The following CCDC102B variants were observed in gnomAD, a reference collection of about 807,000 sequenced individuals.
CCDC102B encodes the protein coiled-coil domain-containing protein 102B.
A neutral mutation model predicts 57.4 loss-of-function variants in CCDC102B; 75 were observed. The observed-to-expected ratio is 1.31, with a 90% CI of 1.08 to 1.58. The LOEUF (loss-of-function observed/expected upper bound fraction) is 1.58, where lower values mean the gene tolerates loss of function less well. Ranked by LOEUF, CCDC102B falls within the 40% of genes most tolerant of loss-of-function variation. The pLI, the probability that CCDC102B is intolerant of heterozygous loss-of-function variation, is 0.00. For missense variants in CCDC102B, 636 were observed against 582.6 expected, an observed-to-expected ratio of 1.09 and a Z score of -0.94; for synonymous variants, 206 against 201.9, an observed-to-expected ratio of 1.02 and a Z score of -0.17.
chr18:68,839,457 C>T (rs1452283049), intron 3 of CCDC102B, among the ~76,000 whole-genome samples: 5 of 152,194 alleles, frequency 3.3e-5, no homozygotes, highest in African/African-American at 7.2e-5. Flanking sequence ...GTGAAAATAG[C>T]TGTAGTGCTG....
intron 2 of CCDC102B, among the ~76,000 whole-genome samples, chr18:68,725,020 G>A (rs753247302): frequency 2.6e-5 from 4 of 152,160 alleles, no homozygotes; most frequent in African/African-American, 7.2e-5. Flanking sequence ...TACAATCATG[G>A]CGGAAGGCAC....
intron 6 of CCDC102B, among the ~76,000 whole-genome samples, chr18:68,991,781 A>G (rs2050874835): frequency 6.6e-6 from 1 of 152,224 alleles, no homozygotes; most frequent in Admixed American, 6.5e-5. Flanking sequence ...ATGAAAATGT[A>G]TTTCCTACTG....
chr18:69,048,720 A>T (rs1055316760), intron 7 of CCDC102B, among the ~76,000 whole-genome samples: 1 of 151,518 alleles, frequency 6.6e-6, no homozygotes, highest in Non-Finnish European at 1.5e-5. Flanking sequence ...CTTAAAAAAA[A>T]CTCCCCTCCC....
intron 3 of CCDC102B, among the ~76,000 whole-genome samples, chr18:68,845,645 A>T (rs190002466): frequency 3.5e-4 from 53 of 151,968 alleles, no homozygotes; most frequent in Non-Finnish European, 6.6e-4. Flanking sequence ...TAAAACAATT[A>T]TCAATGACTC....
At chr18:68,819,833 A>T (rs7238968) in intron 1 of CCDC102B, among the ~76,000 whole-genome samples, 70,800 of 151,802 alleles carry the variant, frequency 0.47, 17,504 homozygotes, top group East Asian at 0.9. Flanking sequence ...TATAATGCTA[A>T]AATAGAATTG....
chr18:69,055,415 C>T (rs966159329), downstream of CCDC102B, among the ~76,000 whole-genome samples: 5 of 152,074 alleles, frequency 3.3e-5, no homozygotes, highest in African/African-American at 9.7e-5. Context: ...ACTTCCTTCT[C>T]TTTGCTTAAC....
At chr18:68,781,417 A>G (rs2035005175) in intron 2 of CCDC102B, among the ~76,000 whole-genome samples, 2 of 152,090 alleles carry the variant, frequency 1.3e-5, no homozygotes, top group Admixed American at 6.6e-5. Flanking sequence ...TAGATTAGTT[A>G]TTTTCCAAAG....
At chr18:68,805,794 A>T (rs938097830) in intron 1 of CCDC102B, among the ~76,000 whole-genome samples, 1 of 152,154 alleles carries the variant, frequency 6.6e-6, no homozygotes, top group African/African-American at 2.4e-5. Context: ...CTATATATGA[A>T]ATACTTTGGA....
chr18:69,046,680 C>G (rs1415203506), intron 7 of CCDC102B, among the ~76,000 whole-genome samples: 1 of 152,098 alleles, frequency 6.6e-6, no homozygotes, highest in Non-Finnish European at 1.5e-5. Context: ...GTCCTATGTA[C>G]AGAATGGTAT....
intron 6 of CCDC102B, among the ~76,000 whole-genome samples, chr18:68,920,569 A>G (rs773076652): frequency 1.3e-5 from 2 of 152,150 alleles, no homozygotes; most frequent in Middle Eastern, 3.4e-3. Flanking sequence ...GAGAGGTGAA[A>G]GGCACTTCTC....
chr18:68,789,879 G>A (rs558539450), intron 2 of CCDC102B, among the ~76,000 whole-genome samples: 40 of 152,094 alleles, frequency 2.6e-4, no homozygotes, highest in African/African-American at 9.2e-4. Context: ...GTGAGGAACT[G>A]CGTTCCTTTG....
intron 1 of CCDC102B, among the ~76,000 whole-genome samples, chr18:68,821,914 C>T (rs867278892): frequency 2.4e-4 from 37 of 152,130 alleles, no homozygotes; most frequent in Middle Eastern, 3.4e-3. Flanking sequence ...CCAAGAGTTT[C>T]AATGTCAAAA....
chr18:68,798,464 G>A (rs1471799512), intron 1 of CCDC102B: 2 of 151,930 alleles, frequency 1.3e-5, no homozygotes, highest in South Asian at 2.1e-4. Flanking sequence ...TAAGAATTTC[G>A]ACTCTACATT....
At chr18:68,730,144 A>G (rs1028482168) in intron 2 of CCDC102B, among the ~76,000 whole-genome samples, 1 of 152,186 alleles carries the variant, frequency 6.6e-6, no homozygotes, top group Non-Finnish European at 1.5e-5. Flanking sequence ...CTTAAGTTTA[A>G]CTTAGTTGTT....
At chr18:68,857,802 TTTATTGAA>T (rs1009477122) in intron 4 of CCDC102B, among the ~76,000 whole-genome samples, 5 of 152,162 alleles carry the variant, frequency 3.3e-5, no homozygotes, top group African/African-American at 1.2e-4. Flanking sequence ...GATTCCACAA[TTTATTGAA>T]TTATTTTCCT....
chr18:68,982,399 A>G (rs1282651677), intron 6 of CCDC102B, among the ~76,000 whole-genome samples: 5 of 151,932 alleles, frequency 3.3e-5, no homozygotes, highest in African/African-American at 9.7e-5. Flanking sequence ...TTCTATGTCC[A>G]TGAATTTAAT....
At chr18:68,890,714 G>T (rs771106997) in intron 5 of CCDC102B, among the ~76,000 whole-genome samples, 1 of 152,004 alleles carries the variant, frequency 6.6e-6, no homozygotes, top group Non-Finnish European at 1.5e-5. Context: ...ATATTCTATT[G>T]TGTCGGCCTT....
intron 6 of CCDC102B, among the ~76,000 whole-genome samples, chr18:68,953,006 T>G (rs532678206): frequency 3.3e-5 from 5 of 152,244 alleles, no homozygotes; most frequent in Non-Finnish European, 5.9e-5. Flanking sequence ...ATGAAAAAGA[T>G]TATGATATAG....
chr18:68,770,376 T>G (rs1169483524), intron 2 of CCDC102B, among the ~76,000 whole-genome samples: 1 of 152,256 alleles, frequency 6.6e-6, no homozygotes, highest in Non-Finnish European at 1.5e-5. Flanking sequence ...TTATTTCTTA[T>G]GTATCCATGT....
Sources: allele counts gnomAD v4.1 joint callset (sites outside exome capture counted in the v4.1 genomes callset), GRCh38; gene constraint gnomAD v4.1.1; transcripts MANE v1.5; gene names NCBI Gene and HGNC (gene_info 2026-07-23, HGNC 2026-07-21).